ZNF385D: variants seen among roughly 807,000 people sequenced by gnomAD.
The protein encoded by ZNF385D is zinc finger protein 659.
In ZNF385D, 15 loss-of-function variants were observed where a neutral mutation model predicts 35.8. The ratio of observed to expected loss-of-function variants is 0.42; its 90% confidence interval spans 0.28 to 0.64. The LOEUF (loss-of-function observed/expected upper bound fraction) is 0.64, where lower values mean the gene tolerates loss of function less well. ZNF385D is among the 30% of genes least tolerant of loss of function. ZNF385D has a pLI of 0.23. For missense variants in ZNF385D, 474 were observed against 494.6 expected (o/e 0.96, Z 0.39); for synonymous variants, 212 against 186.8 (o/e 1.13, Z -1.10).
intron 3 of ZNF385D, among the ~76,000 whole-genome samples, chr3:22,076,635 G>T (rs75532649): frequency 6.6e-6 from 1 of 151,834 alleles, no homozygotes; most frequent in African/African-American, 2.4e-5. Flanking sequence ...ACACGTCTGT[G>T]GTTCATAGTT....
rs577937625 is a variant in ZNF385D at position 22,137,882 on chromosome 3, C to A, written c.325+30935G>T. ...TTAGGAAAAGAGGAAGTCAAATTGTCCCTGTTTGCAGATGACATGATTGTA... is the reference window on the plus strand; with the variant it reads ...TTAGGAAAAGAGGAAGTCAAATTGTACCTGTTTGCAGATGACATGATTGTA... On this transcript the variant is annotated intron_variant, in intron 3 of 5. Coordinates refer to the ZNF385D transcript ENST00000494108. Among the ~76,000 whole-genome samples the A allele has an allele frequency of 5.3e-5, 8 of 152,086 alleles. No individual in the cohort carries two copies. The South Asian group carries it at 1.5e-3, about 28-fold the overall frequency.
chr3:21,673,953 G>A (rs187720868), intron 1 of ZNF385D, among the ~76,000 whole-genome samples: 8 of 152,000 alleles, frequency 5.3e-5, no homozygotes, highest in Admixed American at 5.3e-4. Flanking sequence ...TGTCTCTCAG[G>A]GAAATTTTAC....
At chr3:22,049,278 A>C (rs1418230503) in intron 3 of ZNF385D, among the ~76,000 whole-genome samples, 1 of 150,518 alleles carries the variant, frequency 6.6e-6, no homozygotes, top group Non-Finnish European at 1.5e-5. Context: ...CCTGGGAAAC[A>C]AGAGCGAAAC....
chr3:22,040,452 A>G (rs925138046), intron 3 of ZNF385D, among the ~76,000 whole-genome samples: 1 of 152,174 alleles, frequency 6.6e-6, no homozygotes, highest in East Asian at 1.9e-4. Context: ...AAGCCCAGCA[A>G]TGTGACTCCA....
At chr3:21,769,691 C>G (rs1179637345) in intron 3 of ZNF385D, among the ~76,000 whole-genome samples, 1 of 125,722 alleles carries the variant, frequency 8.0e-6, no homozygotes, top group Non-Finnish European at 1.6e-5. Context: ...AATGCCATCC[C>G]CATCAAGCTC....
chr3:21,782,091 C>G (rs1218575765), intron 3 of ZNF385D, among the ~76,000 whole-genome samples: 4 of 152,070 alleles, frequency 2.6e-5, no homozygotes, highest in African/African-American at 7.2e-5. Context: ...GACTTGGAAG[C>G]CCTCTCATCA....
At chr3:21,970,262 T>C (rs1365247416) in intron 3 of ZNF385D, among the ~76,000 whole-genome samples, 1 of 152,092 alleles carries the variant, frequency 6.6e-6, no homozygotes, top group Non-Finnish European at 1.5e-5. Context: ...CACAGAGATA[T>C]GTGACTAATA....
At chr3:21,850,595 C>T (rs1696321153) in intron 3 of ZNF385D, among the ~76,000 whole-genome samples, 1 of 152,040 alleles carries the variant, frequency 6.6e-6, no homozygotes, top group African/African-American at 2.4e-5. Context: ...TAAGACTTCC[C>T]CAAGCCAGAA....
chr3:22,234,295 A>T (rs1028248139), intron 2 of ZNF385D, among the ~76,000 whole-genome samples: 2 of 152,220 alleles, frequency 1.3e-5, no homozygotes, highest in East Asian at 3.9e-4. Context: ...TCTTAAATGC[A>T]ATGTGGTGAT....
chr3:22,165,152 A>T (rs568309038), intron 3 of ZNF385D, among the ~76,000 whole-genome samples: 1 of 152,326 alleles, frequency 6.6e-6, no homozygotes, highest in African/African-American at 2.4e-5. Context: ...TGTAAACTAT[A>T]GACTTTGGGT....
At chr3:21,965,674 TTAAATA>T (rs1284055925) in intron 3 of ZNF385D, among the ~76,000 whole-genome samples, 8 of 152,164 alleles carry the variant, frequency 5.3e-5, no homozygotes, top group Non-Finnish European at 8.8e-5. Flanking sequence ...ACTGACAAAT[TTAAATA>T]TAAACTGCAG....
rs574429067 is a variant in ZNF385D at position 21,749,884 on chromosome 3, A to G, written c.22+1011T>C. ...TGCCCCAACCTAAGTTTATCTAAAT[A>G]CCTCTTTAATCTGAAAGAAGACGCT... On this transcript the variant is annotated intron_variant, in intron 1 of 7. Transcript: ENST00000281523. Among the ~76,000 whole-genome samples the G allele has an allele frequency of 1.2e-4, 18 of 152,340 alleles. No individual in the cohort carries two copies. The South Asian group carries it at 3.7e-3, about 32-fold the overall frequency.
intron 2 of ZNF385D, among the ~76,000 whole-genome samples, chr3:22,184,225 C>G (rs1441126392): frequency 6.6e-6 from 1 of 152,132 alleles, no homozygotes; most frequent in Non-Finnish European, 1.5e-5. Flanking sequence ...GATCTCTATT[C>G]CCTTCCAATG....
At chr3:21,729,732 C>T (rs1203968132) in intron 1 of ZNF385D, among the ~76,000 whole-genome samples, 1 of 152,138 alleles carries the variant, frequency 6.6e-6, no homozygotes, top group African/African-American at 2.4e-5. Flanking sequence ...AGAGAGAATA[C>T]CTTAATAACC....
At chr3:22,182,733 G>C (rs1695362150) in intron 2 of ZNF385D, among the ~76,000 whole-genome samples, 1 of 152,082 alleles carries the variant, frequency 6.6e-6, no homozygotes. Context: ...GTAGAACTAA[G>C]TCTAGACTGT....
intron 2 of ZNF385D, among the ~76,000 whole-genome samples, chr3:21,573,174 C>A (rs897528941): frequency 6.6e-6 from 1 of 152,052 alleles, no homozygotes; most frequent in South Asian, 2.1e-4. Context: ...AATGTCTACA[C>A]CCTCTAAATC....
intron 2 of ZNF385D, among the ~76,000 whole-genome samples, chr3:22,279,733 G>T (rs1701640754): frequency 6.6e-6 from 1 of 151,530 alleles, no homozygotes; most frequent in South Asian, 2.1e-4. Flanking sequence ...TATGAATTCT[G>T]CTGCTATAAA....
intron 3 of ZNF385D, among the ~76,000 whole-genome samples, chr3:21,987,397 G>A (rs1415520731): frequency 1.7e-5 from 2 of 118,526 alleles, no homozygotes; most frequent in Non-Finnish European, 3.2e-5. Context: ...TTGCTTGTCT[G>A]TAAAGTATTT....
intron 2 of ZNF385D, among the ~76,000 whole-genome samples, chr3:22,365,728 T>C (rs574187907): frequency 6.6e-6 from 1 of 152,204 alleles, no homozygotes; most frequent in African/African-American, 2.4e-5. Flanking sequence ...TAGTGTTTGA[T>C]ATAGTTTCTT....
Sources: gnomAD v4.1 joint callset for allele counts (sites outside exome capture counted in the v4.1 genomes callset) on GRCh38, gnomAD v4.1.1 for gene constraint, MANE v1.5 for transcripts, NCBI Gene and HGNC (gene_info 2026-07-23, HGNC 2026-07-21) for gene names.